RUFY2: variants seen among roughly 807,000 people sequenced by gnomAD.
RUFY2 encodes RUN and FYVE domain containing 2, also known as RUN and FYVE domain-containing protein 2.
RUFY2 carries 49 observed loss-of-function variants against 94.4 expected under a neutral mutation model. That is an observed-to-expected ratio of 0.52 (90% CI 0.41 to 0.66). The LOEUF (loss-of-function observed/expected upper bound fraction) is 0.66. Among genes scored for constraint, RUFY2 ranks in the 30% least tolerant of loss-of-function variants. The pLI, the probability that RUFY2 is intolerant of heterozygous loss-of-function variation, is 0.00. For synonymous variants in RUFY2, 255 were observed against 235.7 expected, an observed-to-expected ratio of 1.08 and a Z score of -0.75; for missense variants, 541 against 692.8, an observed-to-expected ratio of 0.78 and a Z score of 2.46.
At chr10:68,400,097 G>A (rs2050698295) in intron 3 of RUFY2, among the ~76,000 whole-genome samples, 1 of 152,036 alleles carries the variant, frequency 6.6e-6, no homozygotes, top group South Asian at 2.1e-4. Flanking sequence ...TCACTATTGA[G>A]GACAGGAGTT....
intron 12 of RUFY2, chr10:68,378,655 TAAC>T: frequency 6.2e-7 from 1 of 1,611,658 alleles, no homozygotes; most frequent in Non-Finnish European, 8.5e-7. Flanking sequence ...TAGTTTGAGT[TAAC>T]AAATCGTTGT....
At chr10:68,398,024 G>A (rs1303421275) in intron 3 of RUFY2, among the ~76,000 whole-genome samples, 5 of 151,012 alleles carry the variant, frequency 3.3e-5, no homozygotes, top group Admixed American at 6.6e-5. Context: ...CTATTCAGGA[G>A]GCTGAGGCAG....
chr10:68,345,993 C>A lies in RUFY2; in HGVS notation c.1677+14G>T. ...GCACTCCAAATTTTTGGACTCACTT[C>A]TTATCTCCCTTACCTTTCTCTTAGA... is the stretch of plus-strand genomic sequence containing the variant. On this transcript the variant is annotated intron_variant, in intron 17 of 17. Transcript: ENST00000602465. The A allele has an allele frequency of 1.9e-6, 3 of 1,612,840 alleles. No individual in the cohort carries two copies. Among genetic ancestry groups the A allele is most frequent in the Non-Finnish European group, 2.5e-6 (3 of 1,179,388 alleles).
At position 68,345,641 on chromosome 10, in the gene RUFY2, T is replaced by C. The variant is rs998875028; in HGVS notation, c.*127A>G. On this transcript the variant is annotated 3_prime_UTR_variant, in exon 18 of 18. Transcript: ENST00000602465. ...TTGTAATTTCCATGAGCTGAATATG[T>C]AGAAGATAAACTGGTACCAAATACT... 5.5e-6 allele frequency: 4 copies of C among 727,464 alleles called. No homozygotes were observed. Among genetic ancestry groups the C allele is most frequent in the African/African-American group, 5.4e-5 (3 of 55,806 alleles). 45.1% of individuals were successfully genotyped at this position (727,464 alleles called of 1,614,324 possible). A position where few individuals can be genotyped will look rare whatever the true frequency, so the allele number is the denominator to read the frequency against.
chr10:68,390,224 A>G (rs1168005208), intron 7 of RUFY2, among the ~76,000 whole-genome samples: 2 of 152,180 alleles, frequency 1.3e-5, no homozygotes, highest in African/African-American at 4.8e-5. Flanking sequence ...AGTCTTTCCT[A>G]TTTCTACTTT....
At chr10:68,365,445 C>A (rs2047736350) in intron 13 of RUFY2, among the ~76,000 whole-genome samples, 1 of 152,112 alleles carries the variant, frequency 6.6e-6, no homozygotes, top group Non-Finnish European at 1.5e-5. Context: ...CTACATTGTC[C>A]CAGCCTGAGT....
At chr10:68,359,789 CAAA>C (rs1263922397) in intron 15 of RUFY2, among the ~76,000 whole-genome samples, 2 of 122,150 alleles carry the variant, frequency 1.6e-5, no homozygotes, top group African/African-American at 3.0e-5. Context: ...AACTCCGTCT[CAAA>C]AAAAAAAAAA....
chr10:68,381,447 AAATT>A, intron 10 of RUFY2, 48 bp from the exon 11 acceptor site: 1 of 1,541,980 alleles, frequency 6.5e-7, no homozygotes, highest in Non-Finnish European at 8.8e-7. Flanking sequence ...CAGGATGTAA[AAATT>A]AGATATACTT....
chr10:68,394,486 C>A lies in RUFY2; in HGVS notation c.399-35G>T, dbSNP rs775380882. On this transcript the variant is annotated intron_variant, in intron 4 of 17. Coordinates refer to ENST00000602465, the MANE Select transcript of RUFY2 (RefSeq NM_001330103.2). ...TTTAAAAAATAAGGACTTTAAATCA[C>A]AAATTTATTTCAAAAACTAAAATTT... is the stretch of plus-strand genomic sequence containing the variant. The A allele has an allele frequency of 3.4e-5, 51 of 1,485,632 alleles. No individual in the cohort carries two copies. The Admixed American group carries it at 8.5e-4, about 25-fold the overall frequency. The allele number at this position is 1,485,632 out of a possible 1,614,324, so 92.0% of individuals were successfully genotyped here. A position where few individuals can be genotyped will look rare whatever the true frequency, so the allele number is the denominator to read the frequency against.
chr10:68,356,048 T>A (rs1159154077), intron 15 of RUFY2, among the ~76,000 whole-genome samples: 1 of 152,180 alleles, frequency 6.6e-6, no homozygotes, highest in East Asian at 1.9e-4. Context: ...CAAAAACCTA[T>A]TTTAAAGATG....
rs1044281127 is a variant in RUFY2 at position 68,383,841 on chromosome 10, T to C, written c.896A>G (p.Asn299Ser). The C allele has an allele frequency of 2.9e-5, 46 of 1,613,782 alleles. No homozygotes were observed. The highest frequency in any genetic ancestry group is 4.5e-5 in the East Asian group (2 of 44,870). Residue 299 changes from asparagine to serine, a missense_variant, in exon 10 of 18, where the codon AAT becomes AGT. By Grantham distance (46) the Asn-to-Ser change is conservative. Coordinates refer to ENST00000602465, the MANE Select transcript of RUFY2 (RefSeq NM_001330103.2). ...ATCTCGAAGCTGCCTTCTGGCTTCA[T>C]TGTACATTTCATCTAGCCCCTGACG... is the stretch of plus-strand genomic sequence containing the variant. ...HSRQGLDEMY[N>S]EARRQLRDES...
chr10:68,355,913 C>CAAAAAA (rs368423105), intron 15 of RUFY2, among the ~76,000 whole-genome samples: 1 of 76,740 alleles, frequency 1.3e-5, no homozygotes, highest in Non-Finnish European at 2.8e-5. Context: ...GACTCCATCT[C>CAAAAAA]AAAAAAAAAA....
chr10:68,375,916 C>T (rs115926880), intron 13 of RUFY2, among the ~76,000 whole-genome samples: 6,024 of 150,874 alleles, frequency 0.04, 388 homozygotes, highest in African/African-American at 0.14. Flanking sequence ...TGGCCAACGT[C>T]ATGAAACTTT....
chr10:68,363,708 A>T (rs751253574), intron 14 of RUFY2, 24 bp from the exon 15 acceptor site: 1 of 1,425,634 alleles, frequency 7.0e-7, no homozygotes. Flanking sequence ...AAAGACAGAA[A>T]ATGAAATTTA....
At position 68,364,013 on chromosome 10, in the gene RUFY2, C is replaced by A; in HGVS notation, c.1426G>T (p.Glu476Ter). The change falls in exon 14 of 18, where the codon GAG becomes TAG. Residue 476 changes from glutamate (E) to a stop codon, truncating the protein, a stop_gained. Coordinates refer to ENST00000602465, the MANE Select transcript of RUFY2 (RefSeq NM_001330103.2). LOFTEE classifies it high-confidence loss of function. ...EKDALSHLRN[E>*]TQQIISLKKE... ...TTAAGACTAATGATTTGTTGAGTCT[C>A]ATTTCTAAGATGAGATAAGGCATCT... The A allele has an allele frequency of 6.2e-7, 1 of 1,606,606 alleles. No individual in the cohort carries two copies. The highest frequency in any genetic ancestry group is 1.1e-5 in the South Asian group (1 of 90,404).
At chr10:68,400,470 A>T (rs2050735729) in intron 3 of RUFY2, among the ~76,000 whole-genome samples, 2 of 151,326 alleles carry the variant, frequency 1.3e-5, no homozygotes, top group South Asian at 2.1e-4. Flanking sequence ...AGGTCAGGAG[A>T]TCAAGACCAT....
chr10:68,379,330 T>C (rs2048869068), intron 12 of RUFY2, 94 bp downstream of exon 12: 2 of 934,968 alleles, frequency 2.1e-6, no homozygotes, highest in Non-Finnish European at 3.2e-6. Context: ...CTAATCTATG[T>C]CTTCCTAATG....
intron 12 of RUFY2, chr10:68,378,012 A>C (rs908597364): frequency 1.0e-6 from 1 of 985,296 alleles, no homozygotes; most frequent in African/African-American, 1.7e-5. Context: ...CTTTTCTCTA[A>C]GGTTACAAAA....
At chr10:68,352,210 C>T (rs2046731232) in intron 16 of RUFY2, among the ~76,000 whole-genome samples, 1 of 152,130 alleles carries the variant, frequency 6.6e-6, no homozygotes, top group African/African-American at 2.4e-5. Flanking sequence ...ATTCTCCCAC[C>T]ACAGCCTCTT....
Sources: allele counts gnomAD v4.1 joint callset (sites outside exome capture counted in the v4.1 genomes callset), GRCh38; gene constraint gnomAD v4.1.1; transcripts MANE v1.5; gene names NCBI Gene and HGNC (gene_info 2026-07-23, HGNC 2026-07-21).